The following CHRM3 variants were observed in gnomAD, a reference collection of about 807,000 sequenced individuals.
The protein encoded by CHRM3 is cholinergic receptor muscarinic 3, also known as muscarinic acetylcholine receptor M3.
A neutral mutation model predicts 41.8 loss-of-function variants in CHRM3; 11 were observed. The ratio of observed to expected loss-of-function variants is 0.26; its 90% CI spans 0.17 to 0.44. CHRM3 has a LOEUF of 0.44. Among genes scored for constraint, CHRM3 ranks in the 20% least tolerant of loss-of-function variants. The probability of loss-of-function intolerance (pLI) is 1.00; values close to 1 mark genes in which losing one functional copy is unlikely to be tolerated. For synonymous variants in CHRM3, 297 were observed against 301.4 expected (o/e 0.99, Z 0.15); for missense variants, 571 against 745.4 (o/e 0.77, Z 2.72).
chr1:239,752,622 T>TA (rs1665922277), intron 5 of CHRM3, among the ~76,000 whole-genome samples: 1 of 152,180 alleles, frequency 6.6e-6, no homozygotes, highest in Admixed American at 6.5e-5. Context: ...AGAGGATAAG[T>TA]ACCATGTGGA....
chr1:239,869,236 G>A (rs1676372942), intron 6 of CHRM3, among the ~76,000 whole-genome samples: 1 of 152,056 alleles, frequency 6.6e-6, no homozygotes, highest in Admixed American at 6.5e-5. Flanking sequence ...GGAACCATAT[G>A]GTACAAACTG....
intron 5 of CHRM3, among the ~76,000 whole-genome samples, chr1:239,724,712 A>T (rs1038227792): frequency 3.9e-5 from 6 of 151,908 alleles, no homozygotes; most frequent in African/African-American, 1.4e-4. Context: ...GAGCTCCTTC[A>T]TCTTCCTCCC....
chr1:239,868,199 T>C (rs564042105), intron 6 of CHRM3, among the ~76,000 whole-genome samples: 32 of 152,302 alleles, frequency 2.1e-4, no homozygotes, highest in African/African-American at 7.7e-4. Flanking sequence ...TTGGGTGCTT[T>C]CAGAGAACAG....
intron 4 of CHRM3, among the ~76,000 whole-genome samples, chr1:239,645,207 A>C (rs1248249646): frequency 2.0e-5 from 3 of 152,226 alleles, no homozygotes; most frequent in Non-Finnish European, 2.9e-5. Flanking sequence ...AGATGCGCTC[A>C]GCTATGGCTG....
intron 2 of CHRM3, among the ~76,000 whole-genome samples, chr1:239,509,521 C>T (rs879883396): frequency 3.9e-5 from 6 of 152,124 alleles, no homozygotes; most frequent in Non-Finnish European, 7.4e-5. Flanking sequence ...GTGATAACCC[C>T]AGCCAAGAAG....
At chr1:239,611,416 C>CTTT (rs75352638) in intron 3 of CHRM3, among the ~76,000 whole-genome samples, 2,386 of 96,204 alleles carry the variant, frequency 0.025, 136 homozygotes, top group East Asian at 0.045. Context: ...TTGCAAGTGA[C>CTTT]TTTTTTTTTT....
chr1:239,776,947 T>G (rs2841038), intron 5 of CHRM3, among the ~76,000 whole-genome samples: 96,443 of 152,022 alleles, frequency 0.63, 32,011 homozygotes, highest in Non-Finnish European at 0.75. Flanking sequence ...TCCCCATGAT[T>G]GAGTTACCTC....
At chr1:239,888,581 G>A (rs1365954284) in intron 6 of CHRM3, among the ~76,000 whole-genome samples, 2 of 145,548 alleles carry the variant, frequency 1.4e-5, no homozygotes, top group African/African-American at 5.1e-5. Flanking sequence ...CTGGGCCAGA[G>A]AGTGAGACCC....
At chr1:239,482,007 A>AT (rs1379416433) in intron 1 of CHRM3, among the ~76,000 whole-genome samples, 2 of 152,204 alleles carry the variant, frequency 1.3e-5, no homozygotes, top group African/African-American at 2.4e-5. Context: ...TTTTATTTAT[A>AT]TTTTTTTGGA....
At chr1:239,610,091 G>A (rs879799167) in intron 3 of CHRM3, among the ~76,000 whole-genome samples, 6 of 150,974 alleles carry the variant, frequency 4.0e-5, no homozygotes, top group Admixed American at 6.6e-5. Context: ...TACTCAGGAG[G>A]CTGAGGCAGG....
intron 1 of CHRM3, among the ~76,000 whole-genome samples, chr1:239,397,357 T>C (rs1439835565): frequency 6.6e-6 from 1 of 152,154 alleles, no homozygotes; most frequent in African/African-American, 2.4e-5. Context: ...CATTAATGAA[T>C]ATAAATTTGA....
rs540237643 is a variant in CHRM3 at position 239,716,207 on chromosome 1, A to C, written c.-147+37919A>C. 7.1e-4 allele frequency among the ~76,000 whole-genome samples: 108 copies of C among 152,238 alleles called. No homozygotes were observed. The Middle Eastern group carries it at 0.01, about 14-fold the overall frequency. Reference sequence around the variant, plus strand: ...CAAAGGGAGCTTTTAGAAGTAAAGAAAGTGATACTTTTAGGGGATTTGAGA... The same window carrying C: ...CAAAGGGAGCTTTTAGAAGTAAAGACAGTGATACTTTTAGGGGATTTGAGA... On this transcript the variant is annotated intron_variant, in intron 5 of 6. Transcript: ENST00000676153.
At chr1:239,605,376 G>A (rs1189938269) in intron 3 of CHRM3, among the ~76,000 whole-genome samples, 5 of 152,096 alleles carry the variant, frequency 3.3e-5, no homozygotes, top group South Asian at 2.1e-4. Context: ...CAGATTAGCC[G>A]AGGAGCAACA....
chr1:239,716,833 T>C (rs1346543521), intron 5 of CHRM3, among the ~76,000 whole-genome samples: 1 of 152,062 alleles, frequency 6.6e-6, no homozygotes, highest in African/African-American at 2.4e-5. Context: ...AAAATGAGAA[T>C]GTACAGGAGG....
At chr1:239,592,413 A>T (rs1382035244) in intron 3 of CHRM3, among the ~76,000 whole-genome samples, 1 of 152,124 alleles carries the variant, frequency 6.6e-6, no homozygotes, top group African/African-American at 2.4e-5. Context: ...TAAAAAAGAA[A>T]ACACATGCCT....
rs550296937 is a variant in CHRM3, at chr1:239,400,160, C to T, written c.-521+12933C>T. Among the ~76,000 whole-genome samples the T allele has an allele frequency of 7.4e-4, 112 of 152,274 alleles. 1 individual carries two copies. The highest frequency in any genetic ancestry group is 4.4e-5 in the Non-Finnish European group (3 of 68,028). On this transcript the variant is annotated intron_variant, in intron 1 of 6. Coordinates refer to ENST00000676153, the MANE Select transcript of CHRM3 (RefSeq NM_001375978.1). Reference sequence around the variant, plus strand: ...CTGGCCTTAAGTGATCCGCCCACCTCGGCCTTCCAAAGTGTGGGGATTACA... The same window carrying T: ...CTGGCCTTAAGTGATCCGCCCACCTTGGCCTTCCAAAGTGTGGGGATTACA...
chr1:239,841,612 G>C (rs1673809482), intron 6 of CHRM3, among the ~76,000 whole-genome samples: 1 of 152,178 alleles, frequency 6.6e-6, no homozygotes. Flanking sequence ...TCCATTGACA[G>C]TTAAGGTAGA....
chr1:239,413,462 T>C (rs1003957311), intron 1 of CHRM3, among the ~76,000 whole-genome samples: 7 of 152,052 alleles, frequency 4.6e-5, no homozygotes, highest in Admixed American at 2.6e-4. Context: ...GCTAATTTTG[T>C]ATTTTTGTAG....
chr1:239,568,640 T>C (rs898736929), intron 3 of CHRM3, among the ~76,000 whole-genome samples: 3 of 151,934 alleles, frequency 2.0e-5, no homozygotes, highest in Non-Finnish European at 4.4e-5. Context: ...GAAGAAAAAA[T>C]TAGACATATA....
Sources: allele counts gnomAD v4.1 joint callset (sites outside exome capture counted in the v4.1 genomes callset), GRCh38; gene constraint gnomAD v4.1.1; transcripts MANE v1.5; gene names NCBI Gene and HGNC (gene_info 2026-07-23, HGNC 2026-07-21).